GPM6A: variants seen among roughly 807,000 people sequenced by gnomAD.
The protein encoded by GPM6A is neuronal membrane glycoprotein M6-a.
In GPM6A, 7 loss-of-function variants were observed where a neutral mutation model predicts 32.1. The observed-to-expected ratio is 0.22, with a 90% CI of 0.12 to 0.41. The LOEUF is 0.41. Ranked by LOEUF, GPM6A falls within the 10% of genes least tolerant of loss-of-function variation. The pLI is 1.00. For synonymous variants in GPM6A, 130 were observed against 123.4 expected, an observed-to-expected ratio of 1.05 and a Z score of -0.35; for missense variants, 235 against 347.2, an observed-to-expected ratio of 0.68 and a Z score of 2.57.
intron 1 of GPM6A, among the ~76,000 whole-genome samples, chr4:175,729,855 TATGTATTTA>T (rs1321863756): frequency 3.4e-5 from 5 of 146,912 alleles, no homozygotes; most frequent in Middle Eastern, 7.2e-3. Flanking sequence ...TTAATGTATA[TATGTATTTA>T]ATGTATTTAA....
chr4:175,981,732 T>G (rs1349891946), intron 1 of GPM6A, among the ~76,000 whole-genome samples: 1 of 152,140 alleles, frequency 6.6e-6, no homozygotes, highest in African/African-American at 2.4e-5. Context: ...TTTATTTATC[T>G]CGGGTAAATA....
At chr4:175,882,180 G>C (rs1325028098) in intron 1 of GPM6A, among the ~76,000 whole-genome samples, 3 of 151,760 alleles carry the variant, frequency 2.0e-5, no homozygotes, top group Admixed American at 6.6e-5. Flanking sequence ...AGACATAATT[G>C]TTTTCCATTG....
chr4:175,891,326 A>G (rs1233036888), intron 1 of GPM6A: 3 of 152,142 alleles, frequency 2.0e-5, no homozygotes, highest in Non-Finnish European at 4.4e-5. Flanking sequence ...TCTACCGGTT[A>G]CAGCTTTAGT....
chr4:175,922,979 G>A (rs1738715443), intron 1 of GPM6A, among the ~76,000 whole-genome samples: 1 of 151,902 alleles, frequency 6.6e-6, no homozygotes, highest in Admixed American at 6.6e-5. Flanking sequence ...AGTACATCTT[G>A]TAGCTCATTT....
At position 175,870,706 on chromosome 4, in the gene GPM6A, ATC is replaced by A. The variant is rs552695898; in HGVS notation, c.-22-58459_-22-58458del. On this transcript the variant is annotated intron_variant, in intron 1 of 7. Coordinates refer to the GPM6A transcript ENST00000280187. ...TGAAAATTTGCTCTTTGGGAAAACTATCTCTCTTTTCTTCTGTGTATAACTCT... is the reference window on the plus strand; with the variant it reads ...TGAAAATTTGCTCTTTGGGAAAACTATCTCTTTTCTTCTGTGTATAACTCT... Among the ~76,000 whole-genome samples, 208 of 152,164 alleles carry A rather than the reference ATC, an allele frequency of 1.4e-3. 2 individuals carry two copies. Among genetic ancestry groups the A allele is most frequent in the Non-Finnish European group, 9.4e-4 (64 of 68,010 alleles).
chr4:175,847,690 A>G (rs1736133039), intron 1 of GPM6A, among the ~76,000 whole-genome samples: 1 of 152,202 alleles, frequency 6.6e-6, no homozygotes, highest in Admixed American at 6.6e-5. Context: ...TCTTTATTTA[A>G]TTAAAAAAAG....
chr4:175,898,508 C>G lies in GPM6A; in HGVS notation c.-22-86259G>C, dbSNP rs369630530. Among the ~76,000 whole-genome samples, 34 of 152,214 alleles carry G rather than the reference C, an allele frequency of 2.2e-4. No individual in the cohort carries two copies. In the East Asian group the frequency reaches 2.5e-3, roughly 11 times the overall value. On this transcript the variant is annotated intron_variant, in intron 1 of 7. Transcript: ENST00000280187. ...GTAGATTCAGCTCCAGTAAGAGATT[C>G]TAATGCCCAAGAATGACCTTGCAAA...
chr4:175,718,870 A>T (rs1745974568), intron 1 of GPM6A, among the ~76,000 whole-genome samples: 1 of 152,210 alleles, frequency 6.6e-6, no homozygotes, highest in Admixed American at 6.5e-5. Context: ...ATATAACTTT[A>T]AAACCAAGTG....
rs140064706 is a variant in GPM6A at position 175,798,228 on chromosome 4, T to C, written c.37+13963A>G. On this transcript the variant is annotated intron_variant, in intron 1 of 6. Coordinates refer to ENST00000393658, the MANE Select transcript of GPM6A (RefSeq NM_201591.3). Reference sequence around the variant, plus strand: ...GTCACTCTTCTAAGTTATTCATTTATAACGATCTAACCCATAATCACCCCA... The same window carrying C: ...GTCACTCTTCTAAGTTATTCATTTACAACGATCTAACCCATAATCACCCCA... Among the ~76,000 whole-genome samples the C allele has an allele frequency of 3.6e-4, 55 of 152,360 alleles. 1 individual carries two copies. In the East Asian group the frequency reaches 9.7e-3, roughly 27 times the overall value.
chr4:175,711,861 C>T (rs961432326), intron 1 of GPM6A, among the ~76,000 whole-genome samples: 3 of 152,172 alleles, frequency 2.0e-5, no homozygotes, highest in Non-Finnish European at 2.9e-5. Flanking sequence ...GAATTCCACT[C>T]ATCACCCTTA....
intron 1 of GPM6A, among the ~76,000 whole-genome samples, chr4:175,902,308 A>C (rs983174345): frequency 1.3e-5 from 2 of 152,208 alleles, no homozygotes; most frequent in Non-Finnish European, 2.9e-5. Context: ...ATGGTAAGAG[A>C]TTCATTGGTA....
At chr4:175,640,715 A>G (rs1173105417) in intron 5 of GPM6A, 38 bp downstream of exon 5, 1 of 1,332,050 alleles carries the variant, frequency 7.5e-7, no homozygotes, top group Non-Finnish European at 1.1e-6. Context: ...AATGAATGCT[A>G]AAATTCTGAC....
At position 175,982,746 on chromosome 4, in the gene GPM6A, T is replaced by G. The variant is rs772553284; in HGVS notation, c.-23+19563A>C. Among the ~76,000 whole-genome samples, 4 of 152,190 alleles carry G rather than the reference T, an allele frequency of 2.6e-5. No individual in the cohort carries two copies. In the South Asian group the frequency reaches 8.3e-4, roughly 31 times the overall value. ...ATTCTACTTCCTTTGCCTTTCCATA[T>G]GAATTTGAGAATCAACCTATAAAAC... is the stretch of plus-strand genomic sequence containing the variant. On this transcript the variant is annotated intron_variant, in intron 1 of 7. Coordinates refer to the GPM6A transcript ENST00000280187.
At chr4:175,983,307 A>C (rs1410216447) in intron 1 of GPM6A, among the ~76,000 whole-genome samples, 2 of 152,220 alleles carry the variant, frequency 1.3e-5, no homozygotes, top group Non-Finnish European at 2.9e-5. Context: ...TTTCATGGTG[A>C]TAACGCAGTT....
At chr4:175,926,603 A>G (rs569328925) in intron 1 of GPM6A, among the ~76,000 whole-genome samples, 1 of 152,330 alleles carries the variant, frequency 6.6e-6, no homozygotes, top group South Asian at 2.1e-4. Context: ...ATTTTTGTCC[A>G]AGAAAATTAC....
chr4:175,676,484 C>T (rs1177537314), intron 2 of GPM6A, among the ~76,000 whole-genome samples: 1 of 152,192 alleles, frequency 6.6e-6, no homozygotes, highest in African/African-American at 2.4e-5. Context: ...GGCAGTGGCT[C>T]ACGCCTGCAA....
At chr4:175,836,186 T>C (rs550816699) in intron 1 of GPM6A, among the ~76,000 whole-genome samples, 18 of 152,280 alleles carry the variant, frequency 1.2e-4, no homozygotes, top group African/African-American at 4.1e-4. Flanking sequence ...CTTGATTCCC[T>C]CTGTGTTTCT....
intron 1 of GPM6A, among the ~76,000 whole-genome samples, chr4:175,737,252 A>G (rs1195128704): frequency 6.6e-6 from 1 of 152,116 alleles, no homozygotes; most frequent in Non-Finnish European, 1.5e-5. Flanking sequence ...TCTATAAAGA[A>G]AAGAGGTTTA....
intron 1 of GPM6A, among the ~76,000 whole-genome samples, chr4:175,984,006 CTCTG>C (rs1740892727): frequency 6.9e-6 from 1 of 145,916 alleles, no homozygotes; most frequent in South Asian, 2.2e-4. Context: ...CTCTCTCTCT[CTCTG>C]TCTCTCTCTC....
Sources: allele counts gnomAD v4.1 joint callset (sites outside exome capture counted in the v4.1 genomes callset), GRCh38; gene constraint gnomAD v4.1.1; transcripts MANE v1.5; gene names NCBI Gene and HGNC (gene_info 2026-07-23, HGNC 2026-07-21).